Variants in CCDC66 observed in about 807,000 individuals in gnomAD.
CCDC66 encodes coiled-coil domain containing 66, also known as coiled-coil domain-containing protein 66.
In CCDC66, 133 loss-of-function variants were observed where a neutral mutation model predicts 128.3. The observed-to-expected ratio is 1.04, with a 90% confidence interval of 0.90 to 1.20. The LOEUF is 1.20. Ranked by LOEUF, CCDC66 falls within the 50% of genes most tolerant of loss-of-function variation. The pLI is 0.00. For missense variants in CCDC66, 1,126 were observed against 1,075.5 expected (o/e 1.05, Z -0.66); for synonymous variants, 387 against 357.0 (o/e 1.08, Z -0.95).
intron 11 of CCDC66, among the ~76,000 whole-genome samples, chr3:56,614,024 ATTACAG>A (rs2075189606): frequency 6.6e-6 from 1 of 152,174 alleles, no homozygotes; most frequent in Non-Finnish European, 1.5e-5. Flanking sequence ...AAGTGTTGGT[ATTACAG>A]GTGTGAGCTA....
intron 10 of CCDC66, among the ~76,000 whole-genome samples, chr3:56,594,295 G>GT (rs74266053): frequency 0.39 from 55,953 of 145,026 alleles, 12,945 homozygotes; most frequent in Non-Finnish European, 0.54. Context: ...GTTAGTACTG[G>GT]TTTTTTTTTT....
Position 56,621,610 on chromosome 3 carries a change from TC to T in CCDC66, c.2840del (p.Ser947TyrfsTer33). On this transcript the variant is annotated frameshift_variant, in exon 18 of 18. Transcript: ENST00000394672. LOFTEE classifies it high-confidence loss of function. Reference sequence around the variant, plus strand: ...AAATCAAGAAGAGAGTTTTGGTTCTTCATTTTAAATGTAGAAAATCAAATCC... The same window carrying T: ...AAATCAAGAAGAGAGTTTTGGTTCTTATTTTAAATGTAGAAAATCAAATCC... The part of the protein sequence containing the change: ...AENQEESFGS[S>X]F 1 of 1,593,964 alleles carries T rather than the reference TC, an allele frequency of 6.3e-7. No homozygotes were observed. The highest frequency in any genetic ancestry group is 8.6e-7 in the Non-Finnish European group (1 of 1,169,568).
intron 10 of CCDC66, among the ~76,000 whole-genome samples, chr3:56,611,801 C>T (rs896934246): frequency 5.3e-5 from 8 of 152,180 alleles, no homozygotes; most frequent in Admixed American, 2.6e-4. Context: ...GGCTCTCTAA[C>T]TTGACTCAGC....
chr3:56,594,738 TA>T (rs2071568191), intron 10 of CCDC66, among the ~76,000 whole-genome samples: 1 of 152,204 alleles, frequency 6.6e-6, no homozygotes, highest in Non-Finnish European at 1.5e-5. Context: ...AAATTAAAAT[TA>T]AAACTTCCTG....
intron 6 of CCDC66, chr3:56,569,255 G>A: frequency 4.6e-6 from 1 of 216,664 alleles, no homozygotes; most frequent in Non-Finnish European, 1.0e-5. Context: ...GTTTTGTGTT[G>A]CTATAAAGGA....
Position 56,567,052 on chromosome 3 carries a change from A to T in CCDC66, c.813A>T (p.Leu271=). ...AAAAAGCCCAGTGGAGGAAAGAGCT[A>T]GGTAGGTAACTTTTATACCTTTATT... ...EAKKAQWRKE[L]DEQVALKKKE... Residue 271 remains leucine, a splice_region_variant and synonymous_variant, in exon 6 of 18, where the codon CTA becomes CTT. Transcript: ENST00000394672. The T allele has an allele frequency of 6.2e-7, 1 of 1,609,300 alleles. No individual in the cohort carries two copies. Among genetic ancestry groups the T allele is most frequent in the Non-Finnish European group, 8.5e-7 (1 of 1,175,674 alleles).
chr3:56,578,666 T>C (rs1294750712), intron 7 of CCDC66, among the ~76,000 whole-genome samples: 2 of 151,836 alleles, frequency 1.3e-5, no homozygotes, highest in Non-Finnish European at 2.9e-5. Context: ...ATTGAGATAA[T>C]CATGTGGTTT....
chr3:56,566,107 C>CTTTGTTTTGTTTTGTTTTGTTTTGT (rs150674110), intron 4 of CCDC66, among the ~76,000 whole-genome samples: 13,017 of 148,872 alleles, frequency 0.087, 733 homozygotes, highest in Non-Finnish European at 0.12. Flanking sequence ...CTTCAGTTTC[C>CTTTGTTTTGTTTTGTTTTGTTTTGT]TTTGTTTTGT....
intron 4 of CCDC66, 53 bp from the exon 5 acceptor site, chr3:56,566,541 T>C (rs2065886237): frequency 2.5e-6 from 3 of 1,188,956 alleles, no homozygotes; most frequent in South Asian, 2.7e-5. Flanking sequence ...ATGCCAAGTA[T>C]TATAACAGAT....
At chr3:56,565,698 G>A (rs879336324) in intron 4 of CCDC66, among the ~76,000 whole-genome samples, 11 of 151,284 alleles carry the variant, frequency 7.3e-5, no homozygotes, top group East Asian at 1.9e-4. Context: ...CTGGAGTCTC[G>A]CTGCATCGCC....
intron 15 of CCDC66, 36 bp from the exon 16 acceptor site, chr3:56,619,232 TCTA>T: frequency 2.8e-6 from 4 of 1,437,760 alleles, no homozygotes; most frequent in Non-Finnish European, 3.8e-6. Context: ...ATATACTTAA[TCTA>T]AATACACAAT....
chr3:56,584,093 G>A (rs866283458), intron 7 of CCDC66, among the ~76,000 whole-genome samples: 13 of 135,462 alleles, frequency 9.6e-5, no homozygotes, highest in East Asian at 2.3e-4. Flanking sequence ...CGGACGGGGC[G>A]GCTGGCCGGG....
In CCDC66 at chr3:56,620,980, G is replaced by A. The variant is rs188986710; in HGVS notation, c.2761-552G>A. On this transcript the variant is annotated intron_variant, in intron 17 of 17. Coordinates refer to ENST00000394672, the MANE Select transcript of CCDC66 (RefSeq NM_001141947.3). Reference sequence around the variant, plus strand: ...ATCCTGGCTAACACAGTGAAACCCTGTCTCTACTAAAAATACAAAAAGTTA... The same window carrying A: ...ATCCTGGCTAACACAGTGAAACCCTATCTCTACTAAAAATACAAAAAGTTA... 224 of 140,612 alleles carry A rather than the reference G, an allele frequency of 1.6e-3. 2 individuals are homozygous for A. The highest frequency in any genetic ancestry group is 2.2e-3 in the Non-Finnish European group (144 of 65,358). The allele number at this position is 140,612 out of a possible 1,614,324, so 8.7% of individuals were successfully genotyped here.
chr3:56,576,581 G>A (rs1386060939), intron 7 of CCDC66, among the ~76,000 whole-genome samples: 10 of 89,838 alleles, frequency 1.1e-4, no homozygotes, highest in African/African-American at 4.3e-5. Context: ...GACAAGCCCC[G>A]ATGTGTGATG....
intron 10 of CCDC66, 57 bp from the exon 11 acceptor site, chr3:56,613,532 T>C (rs2075123555): frequency 6.4e-7 from 1 of 1,569,192 alleles, no homozygotes; most frequent in South Asian, 1.2e-5. Flanking sequence ...CATCTTGAAT[T>C]CCCTCCTGCT....
chr3:56,617,690 T>C (rs2075690363), intron 14 of CCDC66, 85 bp downstream of exon 14: 1 of 1,481,182 alleles, frequency 6.8e-7, no homozygotes, highest in Non-Finnish European at 9.1e-7. Context: ...GTAAGGCTGT[T>C]CTGATCTGTT....
Position 56,572,509 on chromosome 3 carries a change from T to C in CCDC66, c.936+1207T>C, listed in dbSNP as rs192605520. ...AACCTATTTTCCTTGAAGGAGAGAA[T>C]CTAAGTCCTCCTTATTTTTAGTTAT... On this transcript the variant is annotated intron_variant, in intron 7 of 17. Transcript: ENST00000394672. 80 of 473,680 alleles carry C rather than the reference T, an allele frequency of 1.7e-4. No homozygotes were observed. The East Asian group carries it at 5.9e-3, about 35-fold the overall frequency. 29.3% of individuals were successfully genotyped at this position (473,680 alleles called of 1,614,324 possible). A position where few individuals can be genotyped will look rare whatever the true frequency, so the allele number is the denominator to read the frequency against.
At chr3:56,576,265 T>C (rs573675997) in intron 7 of CCDC66, among the ~76,000 whole-genome samples, 2 of 151,308 alleles carry the variant, frequency 1.3e-5, no homozygotes, top group Non-Finnish European at 2.9e-5. Context: ...AGTTTTTCTT[T>C]TTAATTTTTT....
intron 10 of CCDC66, among the ~76,000 whole-genome samples, chr3:56,597,218 G>T (rs922286923): frequency 2.0e-5 from 3 of 151,986 alleles, no homozygotes; most frequent in Non-Finnish European, 4.4e-5. Context: ...TAAATACATG[G>T]ATTTATTTCT....
Sources: gnomAD v4.1 joint callset for allele counts (sites outside exome capture counted in the v4.1 genomes callset) on GRCh38, gnomAD v4.1.1 for gene constraint, MANE v1.5 for transcripts, NCBI Gene and HGNC (gene_info 2026-07-23, HGNC 2026-07-21) for gene names.